EME2: variants seen among roughly 807,000 people sequenced by gnomAD.
EME2 encodes structure-specific endonuclease subunit EME2.
Under a neutral mutation model 41.9 loss-of-function variants are expected in EME2, and 58 were observed. That is an observed-to-expected ratio of 1.38 (90% CI 1.12 to 1.72). The LOEUF (loss-of-function observed/expected upper bound fraction) is 1.72. Ranked by LOEUF, EME2 falls within the 40% of genes most tolerant of loss-of-function variation. The pLI is 0.00. For missense variants in EME2, 695 were observed against 541.9 expected (o/e 1.28, Z -2.81); for synonymous variants, 334 against 239.3 (o/e 1.40, Z -3.65).
rs772022282 is a variant in EME2 at position 1,778,516 on chromosome 16, C to T, written c.*2278C>T. The T allele has an allele frequency of 6.2e-7, 1 of 1,611,916 alleles. No homozygotes were observed. Among genetic ancestry groups the T allele is most frequent in the South Asian group, 1.1e-5 (1 of 91,054 alleles). ...CTACAGAAGGAGGCCTCGCTCTGCC[C>T]AGCACAGTCACAGAAGGACTCGCCG... On this transcript the variant is annotated 3_prime_UTR_variant, in exon 8 of 8. Coordinates refer to ENST00000568449, the MANE Select transcript of EME2 (RefSeq NM_001257370.2).
In EME2 at chr16:1,776,014, C is replaced by T. The variant is rs185444041; in HGVS notation, c.969+28C>T. On this transcript the variant is annotated intron_variant, in intron 7 of 7. Coordinates refer to ENST00000568449, the MANE Select transcript of EME2 (RefSeq NM_001257370.2). ...GGGCCCCTGCCTCCTCCAAGCCCTC[C>T]AGGTGCAGAAGCCCCGTCCCCAGGC... The T allele has an allele frequency of 5.0e-4, 799 of 1,606,588 alleles. 11 individuals are homozygous for T. The East Asian group carries it at 0.016, about 33-fold the overall frequency.
chr16:1,773,601 G>C (rs1220156105), intron 1 of EME2, 104 bp from the exon 2 acceptor site: 32 of 1,529,050 alleles, frequency 2.1e-5, no homozygotes, highest in Non-Finnish European at 2.7e-5. Flanking sequence ...TCCCAGTCGG[G>C]GGTTTGTGCC....
chr16:1,778,090 C>T lies in EME2; in HGVS notation c.*1852C>T, dbSNP rs138713221. The T allele has an allele frequency of 7.9e-4, 1,281 of 1,612,882 alleles. 1 individual carries two copies. Among genetic ancestry groups the T allele is most frequent in the Middle Eastern group, 3.0e-3 (18 of 6,062 alleles). On this transcript the variant is annotated 3_prime_UTR_variant, in exon 8 of 8. Transcript: ENST00000568449. The stretch of plus-strand genomic sequence containing the variant: ...GGCAGAGGGCGCGGGGCTGGGCTGC[C>T]GGAGCCAGGTTCCCCAGAAGCACCC...
chr16:1,776,546 A>G lies in EME2; in HGVS notation c.*308A>G. The G allele has an allele frequency of 2.7e-6, 1 of 373,844 alleles. No homozygotes were observed. The highest frequency in any genetic ancestry group is 4.9e-6 in the Non-Finnish European group (1 of 205,986). The allele number at this position is 373,844 out of a possible 1,614,324, so 23.2% of individuals were successfully genotyped here. A position where few individuals can be genotyped will look rare whatever the true frequency, so the allele number is the denominator to read the frequency against. On this transcript the variant is annotated 3_prime_UTR_variant, in exon 8 of 8. Coordinates refer to ENST00000568449, the MANE Select transcript of EME2 (RefSeq NM_001257370.2). ...ACACACACACTCGGCAGGGACCAGAAGGCAGCTCCAGGGCCCCACTGCCAC... is the reference window on the plus strand; with the variant it reads ...ACACACACACTCGGCAGGGACCAGAGGGCAGCTCCAGGGCCCCACTGCCAC...
In EME2 at chr16:1,776,913, G is replaced by A. The variant is rs190864318; in HGVS notation, c.*675G>A. On this transcript the variant is annotated 3_prime_UTR_variant, in exon 8 of 8. Transcript: ENST00000568449. ...AGCCGCTTCCCCACCCAGCACAGCA[G>A]CAGAGGGGCCCTAGAGCCCCCACAG... 7 of 686,410 alleles carry A rather than the reference G, an allele frequency of 1.0e-5. No homozygotes were observed. The highest frequency in any genetic ancestry group is 2.4e-6 in the Non-Finnish European group (1 of 419,508). The allele number at this position is 686,410 out of a possible 1,614,324, so 42.5% of individuals were successfully genotyped here.
chr16:1,778,489 T>C lies in EME2; in HGVS notation c.*2251T>C, dbSNP rs1473338346. On this transcript the variant is annotated 3_prime_UTR_variant, in exon 8 of 8. Coordinates refer to ENST00000568449, the MANE Select transcript of EME2 (RefSeq NM_001257370.2). Reference sequence around the variant, plus strand: ...CTGCCCCGGTGGGCCGAGTGCAGGCTGCTACAGAAGGAGGCCTCGCTCTGC... The same window carrying C: ...CTGCCCCGGTGGGCCGAGTGCAGGCCGCTACAGAAGGAGGCCTCGCTCTGC... 6 of 1,611,838 alleles carry C rather than the reference T, an allele frequency of 3.7e-6. No homozygotes were observed. The highest frequency in any genetic ancestry group is 4.2e-6 in the Non-Finnish European group (5 of 1,179,612).
chr16:1,781,208 C>G lies in EME2; in HGVS notation c.*4970C>G, dbSNP rs751900238. 1 of 1,566,458 alleles carries G rather than the reference C, an allele frequency of 6.4e-7. No individual in the cohort carries two copies. Among genetic ancestry groups the G allele is most frequent in the Non-Finnish European group, 8.6e-7 (1 of 1,162,888 alleles). On this transcript the variant is annotated 3_prime_UTR_variant, in exon 8 of 8. Coordinates refer to ENST00000568449, the MANE Select transcript of EME2 (RefSeq NM_001257370.2). ...AGAGTCTTACTGAATGCGGTGCATC[C>G]AGGAGACAGGCCCAGGTTTGGACTG...
At chr16:1,774,791 G>A (rs1323554951) in intron 3 of EME2, among the ~76,000 whole-genome samples, 1 of 152,254 alleles carries the variant, frequency 6.6e-6, no homozygotes, top group Non-Finnish European at 1.5e-5. Context: ...GTACAGAGGT[G>A]GACCAGGATG....
chr16:1,780,858 G>A lies in EME2; in HGVS notation c.*4620G>A. On this transcript the variant is annotated 3_prime_UTR_variant, in exon 8 of 8. Transcript: ENST00000568449. Reference sequence around the variant, plus strand: ...AGCAATCCTCCCAGCTCAGCCTCCTGAGTCGTTGGGACTACAGGCACGTGC... The same window carrying A: ...AGCAATCCTCCCAGCTCAGCCTCCTAAGTCGTTGGGACTACAGGCACGTGC... 3.2e-6 allele frequency: 1 copy of A among 311,228 alleles called. No individual in the cohort carries two copies. The highest frequency in any genetic ancestry group is 6.3e-6 in the Non-Finnish European group (1 of 159,146). 19.3% of individuals were successfully genotyped at this position (311,228 alleles called of 1,614,324 possible). A position where few individuals can be genotyped will look rare whatever the true frequency, so the allele number is the denominator to read the frequency against.
rs534361262 is a variant in EME2 at position 1,777,726 on chromosome 16, C to G, written c.*1488C>G. The stretch of plus-strand genomic sequence containing the variant: ...CTCGGGGTGACAGCTGAGAGGAGCT[C>G]AAGTCCTGTGACGGCCTCACCTATA... On this transcript the variant is annotated 3_prime_UTR_variant, in exon 8 of 8. Coordinates refer to ENST00000568449, the MANE Select transcript of EME2 (RefSeq NM_001257370.2). 1 of 1,610,120 alleles carries G rather than the reference C, an allele frequency of 6.2e-7. No homozygotes were observed. The highest frequency in any genetic ancestry group is 8.5e-7 in the Non-Finnish European group (1 of 1,178,754).
Position 1,778,426 on chromosome 16 carries a change from C to T in EME2, c.*2188C>T. The T allele has an allele frequency of 6.2e-7, 1 of 1,607,030 alleles. No individual in the cohort carries two copies. The highest frequency in any genetic ancestry group is 8.5e-7 in the Non-Finnish European group (1 of 1,176,904). On this transcript the variant is annotated 3_prime_UTR_variant, in exon 8 of 8. Coordinates refer to ENST00000568449, the MANE Select transcript of EME2 (RefSeq NM_001257370.2). ...TGCAGTCCCAGCAGGGGCTGGGCCC[C>T]ACGCTCACACTCGTCTTCCTCTCCG...
Position 1,776,149 on chromosome 16 carries a change from C to T in EME2, c.1051C>T (p.Pro351Ser), listed in dbSNP as rs764253118. The T allele has an allele frequency of 5.0e-6, 8 of 1,612,310 alleles. No homozygotes were observed. Among genetic ancestry groups the T allele is most frequent in the African/African-American group, 4.0e-5 (3 of 74,950 alleles). ...TGTGCCGCCCAGTGAAGGCGGGCGT[C>T]CCCGCAGGGTGGGGCCTGACCTCTC... ...LPVPPSEGGRPRRVGPDLSRR... is the reference protein window; with the variant it reads ...LPVPPSEGGRSRRVGPDLSRR... Residue 351 changes from proline to serine, a missense_variant, in exon 8 of 8, where the codon CCC becomes TCC. Pro to Ser is a moderately conservative substitution (Grantham distance 74). Transcript: ENST00000568449.
At chr16:1,773,662 G>A (rs1028820864) in intron 1 of EME2, 43 bp from the exon 2 acceptor site, 3 of 1,546,928 alleles carry the variant, frequency 1.9e-6, no homozygotes, top group South Asian at 1.2e-5. Context: ...CGCTCGCGAG[G>A]GTGGAAGGAA....
Position 1,779,577 on chromosome 16 carries a change from G to A in EME2, c.*3339G>A, listed in dbSNP as rs1896643535. On this transcript the variant is annotated 3_prime_UTR_variant, in exon 8 of 8. Transcript: ENST00000568449. ...CCACCCCACAGACAAGGCAGGCCCA[G>A]ACAACTCTACCCCACTGCCTAGAAG... 1 of 152,466 alleles carries A rather than the reference G, an allele frequency of 6.6e-6. No individual in the cohort carries two copies. The highest frequency in any genetic ancestry group is 2.4e-5 in the African/African-American group (1 of 41,454). The allele number at this position is 152,466 out of a possible 1,614,324, so 9.4% of individuals were successfully genotyped here. A position where few individuals can be genotyped will look rare whatever the true frequency, so the allele number is the denominator to read the frequency against.
chr16:1,773,762 G>A lies in EME2; in HGVS notation c.305G>A (p.Cys102Tyr), dbSNP rs761755726. 4 of 1,550,772 alleles carry A rather than the reference G, an allele frequency of 2.6e-6. No homozygotes were observed. In the South Asian group the frequency reaches 3.6e-5, roughly 14 times the overall value. The part of the protein sequence containing the change: ...VLMEALEALG[C>Y]ECRIEPQRPA... ...ATGGAGGCCCTGGAGGCCCTGGGCT[G>A]CGAGTGCCGCATCGAGCCCCAGCGC... Residue 102 changes from cysteine to tyrosine, a missense_variant, in exon 2 of 8, where the codon TGC becomes TAC. Transcript: ENST00000568449.
In EME2 at chr16:1,772,941, C is replaced by A. The variant is rs1438687164; in HGVS notation, c.-287C>A. 6.9e-7 allele frequency: 1 copy of A among 1,444,484 alleles called. No individual in the cohort carries two copies. Among genetic ancestry groups the A allele is most frequent in the Non-Finnish European group, 9.1e-7 (1 of 1,104,514 alleles). 89.5% of individuals were successfully genotyped at this position (1,444,484 alleles called of 1,614,324 possible). On this transcript the variant is annotated 5_prime_UTR_variant, in exon 1 of 8. Transcript: ENST00000568449. ...GAGCAGCTGCAAGAGGCGGCTCTCG[C>A]GGCGCACGTCGGCCCAGGCCCGGAC...
In EME2 at chr16:1,775,369, C is replaced by G. The variant is rs373784892; in HGVS notation, c.624C>G (p.Ala208=). The part of the protein sequence containing the change: ...GTQQPESPKV[A]GAEVAVSWPE... Reference sequence around the variant, plus strand: ...AGCAGCCAGAGAGCCCGAAGGTGGCCGGTGCCGAGGTGGCCGTCAGCTGGC... The same window carrying G: ...AGCAGCCAGAGAGCCCGAAGGTGGCGGGTGCCGAGGTGGCCGTCAGCTGGC... The change falls in exon 5 of 8, where the codon GCC becomes GCG. Residue 208 remains alanine, a synonymous_variant. Coordinates refer to ENST00000568449, the MANE Select transcript of EME2 (RefSeq NM_001257370.2). 57 of 1,610,440 alleles carry G rather than the reference C, an allele frequency of 3.5e-5. 1 individual carries two copies. The East Asian group carries it at 6.0e-4, about 17-fold the overall frequency.
At chr16:1,774,917 C>G (rs1270231114) in intron 3 of EME2, 124 bp from the exon 4 acceptor site, 1 of 769,912 alleles carries the variant, frequency 1.3e-6, no homozygotes, top group Non-Finnish European at 2.2e-6. Flanking sequence ...GGAACAGAGG[C>G]TCCTCTCGGC....
intron 2 of EME2, among the ~76,000 whole-genome samples, 172 bp downstream of exon 2, chr16:1,774,013 T>G (rs552104285): frequency 2.0e-5 from 3 of 152,250 alleles, no homozygotes; most frequent in Non-Finnish European, 4.4e-5. Flanking sequence ...TCTGCTGGTA[T>G]AGAGCCGAGC....
Sources: allele counts gnomAD v4.1 joint callset (sites outside exome capture counted in the v4.1 genomes callset), GRCh38; gene constraint gnomAD v4.1.1; transcripts MANE v1.5; gene names NCBI Gene and HGNC (gene_info 2026-07-23, HGNC 2026-07-21).